GPC6: variants seen among roughly 807,000 people sequenced by gnomAD.
GPC6 encodes glypican-6.
Under a neutral mutation model 55.2 loss-of-function variants are expected in GPC6, and 14 were observed. The ratio of observed to expected loss-of-function variants is 0.25; its 90% CI spans 0.17 to 0.40. The LOEUF (loss-of-function observed/expected upper bound fraction) is 0.40, where lower values mean the gene tolerates loss of function less well. Among genes scored for constraint, GPC6 ranks in the 10% least tolerant of loss-of-function variants. The probability of loss-of-function intolerance (pLI) is 1.00; values close to 1 mark genes in which losing one functional copy is unlikely to be tolerated. For synonymous variants in GPC6, 278 were observed against 259.6 expected (o/e 1.07, Z -0.68); for missense variants, 641 against 708.5 (o/e 0.90, Z 1.08).
intron 3 of GPC6, among the ~76,000 whole-genome samples, chr13:93,899,105 G>A (rs1876199121): frequency 6.6e-6 from 1 of 151,494 alleles, no homozygotes; most frequent in East Asian, 1.9e-4. Context: ...CATGACTTCT[G>A]GGCAACCACT....
At chr13:94,331,915 T>C (rs1036489574) in intron 6 of GPC6, among the ~76,000 whole-genome samples, 8 of 152,236 alleles carry the variant, frequency 5.3e-5, no homozygotes, top group Non-Finnish European at 1.0e-4. Flanking sequence ...ACTAAAAACA[T>C]GTGCTCTTCT....
intron 2 of GPC6, among the ~76,000 whole-genome samples, chr13:93,809,235 T>C (rs1351609032): frequency 1.3e-5 from 2 of 152,158 alleles, no homozygotes; most frequent in Admixed American, 1.3e-4. Flanking sequence ...GCCCTGCAAA[T>C]AAAGGATAGA....
intron 4 of GPC6, among the ~76,000 whole-genome samples, chr13:94,211,104 G>C (rs2138988707): frequency 6.6e-6 from 1 of 152,192 alleles, no homozygotes; most frequent in African/African-American, 2.4e-5. Flanking sequence ...TTCCTATCCT[G>C]TACTTATATT....
chr13:93,669,749 T>G (rs1046444929), intron 2 of GPC6, among the ~76,000 whole-genome samples: 5 of 152,140 alleles, frequency 3.3e-5, no homozygotes, highest in African/African-American at 1.2e-4. Flanking sequence ...CATTGAAACT[T>G]CAGGCTAACA....
chr13:94,265,710 G>T (rs1594111011), intron 4 of GPC6, among the ~76,000 whole-genome samples: 1 of 152,278 alleles, frequency 6.6e-6, no homozygotes, highest in East Asian at 1.9e-4. Flanking sequence ...AAGGAAAACT[G>T]AGGAGCAGGA....
At chr13:93,610,030 C>A (rs1194096174) in intron 2 of GPC6, among the ~76,000 whole-genome samples, 1 of 152,166 alleles carries the variant, frequency 6.6e-6, no homozygotes, top group Non-Finnish European at 1.5e-5. Context: ...TTTCCTGTGA[C>A]CCTGTCATAT....
intron 4 of GPC6, among the ~76,000 whole-genome samples, chr13:94,157,239 C>T (rs1374769415): frequency 2.6e-5 from 4 of 152,122 alleles, no homozygotes; most frequent in Non-Finnish European, 5.9e-5. Flanking sequence ...GCTTAAGGGA[C>T]TGAATAAGTT....
chr13:93,688,932 A>G (rs954225888), intron 2 of GPC6, among the ~76,000 whole-genome samples: 3 of 152,054 alleles, frequency 2.0e-5, no homozygotes, highest in Admixed American at 6.6e-5. Flanking sequence ...TATGTTAATT[A>G]TATTTTAGCA....
At chr13:94,392,647 TC>T (rs1880703249) in intron 7 of GPC6, among the ~76,000 whole-genome samples, 1 of 150,098 alleles carries the variant, frequency 6.7e-6, no homozygotes, top group Non-Finnish European at 1.5e-5. Context: ...CAGGCTGGTC[TC>T]GAACTCTCGA....
chr13:93,246,267 T>C (rs1224778604), intron 1 of GPC6, among the ~76,000 whole-genome samples: 1 of 152,206 alleles, frequency 6.6e-6, no homozygotes, highest in Non-Finnish European at 1.5e-5. Context: ...ACACCTGCAC[T>C]CTCTAGGCTT....
intron 4 of GPC6, among the ~76,000 whole-genome samples, chr13:94,106,830 T>C (rs1043780499): frequency 6.6e-6 from 1 of 152,144 alleles, no homozygotes; most frequent in African/African-American, 2.4e-5. Flanking sequence ...GATAGCAGTC[T>C]TCCTGGAAGA....
chr13:93,262,062 A>T (rs1449868510), intron 1 of GPC6, among the ~76,000 whole-genome samples: 1 of 152,110 alleles, frequency 6.6e-6, no homozygotes, highest in Admixed American at 6.6e-5. Context: ...AGACTATGAC[A>T]TATTGATGAG....
intron 3 of GPC6, among the ~76,000 whole-genome samples, chr13:93,850,017 C>G (rs957613411): frequency 1.2e-4 from 18 of 152,054 alleles, no homozygotes; most frequent in African/African-American, 3.1e-4. Context: ...TCTGAGAGGT[C>G]TTAATCATTC....
At chr13:93,688,559 A>G (rs1002252382) in intron 2 of GPC6, among the ~76,000 whole-genome samples, 1 of 152,102 alleles carries the variant, frequency 6.6e-6, no homozygotes, top group Non-Finnish European at 1.5e-5. Flanking sequence ...AAAATGCACT[A>G]TATACACACA....
intron 1 of GPC6, among the ~76,000 whole-genome samples, chr13:93,449,226 G>C (rs1259148274): frequency 1.4e-5 from 2 of 147,168 alleles, no homozygotes; most frequent in Non-Finnish European, 3.1e-5. Flanking sequence ...CCGAGATGAA[G>C]TATAAGGAAA....
intron 2 of GPC6, among the ~76,000 whole-genome samples, chr13:93,755,550 A>G (rs993120475): frequency 3.3e-5 from 5 of 152,180 alleles, no homozygotes; most frequent in African/African-American, 7.2e-5. Context: ...CAGATGCCCT[A>G]GGGAGAGGTT....
At chr13:93,718,617 C>T (rs1204637006) in intron 2 of GPC6, among the ~76,000 whole-genome samples, 1 of 151,936 alleles carries the variant, frequency 6.6e-6, no homozygotes. Flanking sequence ...TAATTAGATC[C>T]CACTTGCCAA....
intron 1 of GPC6, among the ~76,000 whole-genome samples, chr13:93,345,531 G>A (rs1316750346): frequency 6.6e-6 from 1 of 151,922 alleles, no homozygotes; most frequent in Non-Finnish European, 1.5e-5. Flanking sequence ...AAAACTGCAT[G>A]CACATACTCT....
intron 1 of GPC6, among the ~76,000 whole-genome samples, chr13:93,493,828 C>T (rs1399277079): frequency 3.5e-5 from 4 of 115,200 alleles, no homozygotes; most frequent in Non-Finnish European, 5.6e-5. Flanking sequence ...TGTAGTTGAG[C>T]GGCTTTGAGT....
Sources: allele counts gnomAD v4.1 joint callset (sites outside exome capture counted in the v4.1 genomes callset), GRCh38; gene constraint gnomAD v4.1.1; transcripts MANE v1.5; gene names NCBI Gene and HGNC (gene_info 2026-07-23, HGNC 2026-07-21).